SYNE2: variants seen among roughly 807,000 people sequenced by gnomAD.
SYNE2 encodes nesprin-2.
A neutral mutation model predicts 856.3 loss-of-function variants in SYNE2; 431 were observed. The ratio of observed to expected loss-of-function variants is 0.50; its 90% CI spans 0.47 to 0.55. The LOEUF is 0.55. Ranked by LOEUF, SYNE2 falls within the 20% of genes least tolerant of loss-of-function variation. The pLI, the probability that SYNE2 is intolerant of heterozygous loss-of-function variation, is 0.00. For synonymous variants in SYNE2, 2,923 were observed against 2,872.3 expected, an observed-to-expected ratio of 1.02 and a Z score of -0.56; for missense variants, 8,129 against 8,023.2, an observed-to-expected ratio of 1.01 and a Z score of -0.50.
intron 45 of SYNE2, among the ~76,000 whole-genome samples, chr14:64,047,461 G>C (rs117007801): frequency 6.6e-6 from 1 of 152,150 alleles, no homozygotes; most frequent in African/African-American, 2.4e-5. Flanking sequence ...TTCTCAGTCC[G>C]GTCCTAGGAA....
intron 11 of SYNE2, among the ~76,000 whole-genome samples, chr14:63,970,651 C>CTTTTTTT (rs61126600): frequency 0.019 from 1,868 of 98,644 alleles, no homozygotes; most frequent in Non-Finnish European, 0.026. Context: ...TTTCTTTTTT[C>CTTTTTTT]TTTTTTTTTT....
chr14:64,208,247 G>A (rs189349250), intron 100 of SYNE2: 23 of 440,336 alleles, frequency 5.2e-5, no homozygotes, highest in South Asian at 1.9e-4. Flanking sequence ...ATGGGCTCAC[G>A]GGGAAGCTGT....
intron 45 of SYNE2, among the ~76,000 whole-genome samples, chr14:64,038,575 T>G (rs2097121672): frequency 6.6e-6 from 1 of 152,164 alleles, no homozygotes; most frequent in South Asian, 2.1e-4. Context: ...TGAACTAGAC[T>G]CCGTCTGCAA....
chr14:64,113,833 C>G (rs991588172), intron 66 of SYNE2, among the ~76,000 whole-genome samples: 1 of 152,140 alleles, frequency 6.6e-6, no homozygotes, highest in South Asian at 2.1e-4. Context: ...AAGTGAACTT[C>G]TCAGCCTCAT....
Position 64,134,078 on chromosome 14 carries a change from G to A in SYNE2, c.14524G>A (p.Glu4842Lys). 2 of 1,614,018 alleles carry A rather than the reference G, an allele frequency of 1.2e-6. No homozygotes were observed. Among genetic ancestry groups the A allele is most frequent in the Non-Finnish European group, 1.7e-6 (2 of 1,179,966 alleles). The stretch of plus-strand genomic sequence containing the variant: ...GTCCTTGATTCTCTAGAAATGGGAA[G>A]AATTTGATGAAAACTATGCATCTCT... ...KLQSLLQKWEEFDENYASLEK... is the reference protein window; with the variant it reads ...KLQSLLQKWEKFDENYASLEK... The change falls in exon 78 of 116, where the codon GAA becomes AAA. Residue 4842 changes from glutamate (E) to lysine (K), a missense_variant. Transcript: ENST00000555002.
chr14:64,107,584 C>T lies in SYNE2; in HGVS notation c.12586C>T (p.Leu4196=). ...LNTEQGPECS[L]RPNQTEEGTT... ...CACTGAGCAAGGCCCAGAATGTTCC[C>T]TAAGGCCCAACCAAACAGAAGAGGT... The change falls in exon 65 of 116, where the codon CTA becomes TTA. Residue 4196 remains leucine, a synonymous_variant. Coordinates refer to ENST00000555002, the MANE Select transcript of SYNE2 (RefSeq NM_182914.3). 6.2e-7 allele frequency: 1 copy of T among 1,614,114 alleles called. No individual in the cohort carries two copies. The highest frequency in any genetic ancestry group is 8.5e-7 in the Non-Finnish European group (1 of 1,179,988).
chr14:63,797,395 AAAT>A (rs1035477157), intron 1 of SYNE2, among the ~76,000 whole-genome samples: 1 of 152,096 alleles, frequency 6.6e-6, no homozygotes, highest in Admixed American at 6.6e-5. Context: ...AGTCTCAAAA[AAAT>A]AATAATAATA....
At chr14:64,187,484 TCAA>T (rs2098498023) in intron 97 of SYNE2, among the ~76,000 whole-genome samples, 1 of 152,196 alleles carries the variant, frequency 6.6e-6, no homozygotes, top group Non-Finnish European at 1.5e-5. Flanking sequence ...TATTATGAAA[TCAA>T]TCAGAATGAC....
chr14:63,956,598 G>A (rs34939365), intron 8 of SYNE2, among the ~76,000 whole-genome samples: 29,598 of 151,956 alleles, frequency 0.19, 3,281 homozygotes, highest in African/African-American at 0.31. Flanking sequence ...TATCATTTAA[G>A]TATACAAATT....
chr14:64,147,990 C>T (rs2098202513), intron 84 of SYNE2, among the ~76,000 whole-genome samples: 1 of 152,006 alleles, frequency 6.6e-6, no homozygotes, highest in South Asian at 2.1e-4. Context: ...TAGTGAGAAC[C>T]CATTTCTAAT....
intron 1 of SYNE2, among the ~76,000 whole-genome samples, chr14:63,789,407 A>AT (rs1371076286): frequency 1.3e-5 from 2 of 152,146 alleles, no homozygotes; most frequent in Non-Finnish European, 2.9e-5. Flanking sequence ...ATACGAAGGA[A>AT]TTTTGTTTCA....
At chr14:63,908,541 C>G (rs757482203) in intron 1 of SYNE2, among the ~76,000 whole-genome samples, 1 of 152,070 alleles carries the variant, frequency 6.6e-6, no homozygotes, top group South Asian at 2.1e-4. Flanking sequence ...AAAAAATAAG[C>G]CTTTGGGAAA....
At chr14:63,929,031 A>G (rs557472471) in intron 2 of SYNE2, among the ~76,000 whole-genome samples, 15 of 152,214 alleles carry the variant, frequency 9.9e-5, no homozygotes, top group Non-Finnish European at 1.5e-4. Flanking sequence ...TTGTTCTAAT[A>G]TTTGATCTTG....
chr14:63,945,290 G>A (rs2096008882), intron 6 of SYNE2, among the ~76,000 whole-genome samples: 1 of 151,990 alleles, frequency 6.6e-6, no homozygotes, highest in Non-Finnish European at 1.5e-5. Flanking sequence ...ATCCCTAAGT[G>A]CCCCAGGTCC....
At chr14:64,160,438 T>A (rs1231090042) in intron 87 of SYNE2, among the ~76,000 whole-genome samples, 1 of 152,250 alleles carries the variant, frequency 6.6e-6, no homozygotes, top group Non-Finnish European at 1.5e-5. Context: ...ATTTTTTAAC[T>A]TCCTCATGGA....
At position 64,175,158 on chromosome 14, in the gene SYNE2, T is replaced by C; in HGVS notation, c.17430+20T>C. The C allele has an allele frequency of 1.2e-6, 2 of 1,613,432 alleles. No individual in the cohort carries two copies. Among genetic ancestry groups the C allele is most frequent in the Non-Finnish European group, 1.7e-6 (2 of 1,179,464 alleles). ...GTAGAGGTAAACTCACCACTTACTT[T>C]TCCATTCATGATATTCAAATTCAGT... On this transcript the variant is annotated intron_variant, in intron 95 of 115. Transcript: ENST00000555002.
At chr14:63,922,722 C>T (rs1179359361) in intron 2 of SYNE2, among the ~76,000 whole-genome samples, 2 of 152,086 alleles carry the variant, frequency 1.3e-5, no homozygotes, top group Admixed American at 6.6e-5. Context: ...CCTTCTTATT[C>T]CCTGTTGTTT....
At chr14:64,100,523 AAAAAAAAAATATATAT>A (rs1316001123) in intron 63 of SYNE2, among the ~76,000 whole-genome samples, 5 of 70,962 alleles carry the variant, frequency 7.0e-5, no homozygotes, top group East Asian at 8.7e-4. Context: ...TCAAAAAAAA[AAAAAAAAAATATATAT>A]ATATATATAT....
intron 48 of SYNE2, among the ~76,000 whole-genome samples, chr14:64,054,434 C>T (rs939641305): frequency 1.8e-4 from 28 of 152,028 alleles, no homozygotes; most frequent in Non-Finnish European, 3.7e-4. Flanking sequence ...TTATTAGCCC[C>T]GTTTAAAAAT....
Sources: gnomAD v4.1 joint callset for allele counts (sites outside exome capture counted in the v4.1 genomes callset) on GRCh38, gnomAD v4.1.1 for gene constraint, MANE v1.5 for transcripts, NCBI Gene and HGNC (gene_info 2026-07-23, HGNC 2026-07-21) for gene names.